Variants in CEP128 observed in about 807,000 individuals in gnomAD.
CEP128 encodes the protein centrosomal protein 128kDa.
Under a neutral mutation model 156.7 loss-of-function variants are expected in CEP128, and 132 were observed. The observed-to-expected ratio is 0.84, with a 90% CI of 0.73 to 0.97. The LOEUF is 0.97. CEP128 is among the 50% of genes least tolerant of loss of function. The pLI, the probability that CEP128 is intolerant of heterozygous loss-of-function variation, is 0.00. For missense variants in CEP128, 1,252 were observed against 1,281.9 expected, an observed-to-expected ratio of 0.98 and a Z score of 0.36; for synonymous variants, 469 against 448.9, an observed-to-expected ratio of 1.04 and a Z score of -0.57.
intron 23 of CEP128, chr14:80,514,730 T>C: frequency 2.8e-6 from 1 of 351,010 alleles, no homozygotes; most frequent in South Asian, 2.3e-5. Flanking sequence ...GTGTGTTATT[T>C]AGTTTGTCTG....
chr14:80,673,414 C>T (rs1435811867), intron 19 of CEP128, among the ~76,000 whole-genome samples: 3 of 151,376 alleles, frequency 2.0e-5, no homozygotes, highest in Admixed American at 2.0e-4. Flanking sequence ...GAGGCCGAGG[C>T]GGGCGGATCA....
chr14:80,555,172 C>A (rs1890378851), intron 21 of CEP128, among the ~76,000 whole-genome samples: 2 of 152,020 alleles, frequency 1.3e-5, no homozygotes, highest in South Asian at 2.1e-4. Context: ...CTCCTATGAA[C>A]CGACAGGGGA....
At position 80,941,578 on chromosome 14, in the gene CEP128, T is replaced by A. The variant is rs1886162147; in HGVS notation, c.-172+3A>T. The A allele has an allele frequency of 6.6e-6, 1 of 152,082 alleles. No homozygotes were observed. The highest frequency in any genetic ancestry group is 2.1e-4 in the South Asian group (1 of 4,792). 9.4% of individuals were successfully genotyped at this position (152,082 alleles called of 1,614,324 possible). A position where few individuals can be genotyped will look rare whatever the true frequency, so the allele number is the denominator to read the frequency against. The stretch of plus-strand genomic sequence containing the variant: ...AGGGCAAGGGGGAGGTGGGGGCAGG[T>A]ACCTGAGACGGAGGATGATCCCAGC... On this transcript the variant is annotated splice_donor_region_variant and intron_variant, in intron 1 of 24. Transcript: ENST00000555265.
At chr14:80,537,508 A>C (rs1889538611) in intron 21 of CEP128, among the ~76,000 whole-genome samples, 1 of 152,176 alleles carries the variant, frequency 6.6e-6, no homozygotes, top group Non-Finnish European at 1.5e-5. Context: ...AATGAGGACT[A>C]GTTTAATGTT....
intron 19 of CEP128, among the ~76,000 whole-genome samples, chr14:80,681,611 T>C (rs888438948): frequency 2.0e-5 from 3 of 152,184 alleles, no homozygotes; most frequent in Non-Finnish European, 4.4e-5. Flanking sequence ...TGAGTTCTCA[T>C]GAGGTGATGG....
chr14:80,938,774 GACC>G (rs1885983715), intron 2 of CEP128, among the ~76,000 whole-genome samples: 2 of 151,764 alleles, frequency 1.3e-5, no homozygotes, highest in African/African-American at 4.8e-5. Flanking sequence ...ATAATATAAG[GACC>G]ACTATATTTT....
chr14:80,574,863 C>A, intron 20 of CEP128, among the ~76,000 whole-genome samples: 1 of 151,956 alleles, frequency 6.6e-6, no homozygotes, highest in East Asian at 1.9e-4. Flanking sequence ...CCCTCCACCC[C>A]TAAAACAGTA....
chr14:80,814,289 A>AT (rs1156979189), intron 13 of CEP128, among the ~76,000 whole-genome samples: 1 of 152,140 alleles, frequency 6.6e-6, no homozygotes, highest in African/African-American at 2.4e-5. Flanking sequence ...TCTATATTAG[A>AT]ATTTCAGACC....
rs568506950 is a variant in CEP128, at chr14:80,566,152, A to C, written c.2857-6850T>G. The stretch of plus-strand genomic sequence containing the variant: ...AAATACAAAGCCTGTCTTCTGGAAG[A>C]AAAATCCACTCAACTTCACCCAAAG... On this transcript the variant is annotated intron_variant, in intron 20 of 24. Coordinates refer to ENST00000555265, the MANE Select transcript of CEP128 (RefSeq NM_152446.5). Among the ~76,000 whole-genome samples, 4 of 152,306 alleles carry C rather than the reference A, an allele frequency of 2.6e-5. No homozygotes were observed. In the East Asian group the frequency reaches 7.7e-4, roughly 29 times the overall value.
At chr14:80,779,553 T>C (rs146338563) in intron 15 of CEP128, among the ~76,000 whole-genome samples, 1 of 152,330 alleles carries the variant, frequency 6.6e-6, no homozygotes, top group African/African-American at 2.4e-5. Context: ...CTAAAGTCTG[T>C]AGTGTGCTGC....
intron 19 of CEP128, among the ~76,000 whole-genome samples, chr14:80,658,053 G>GTTT: frequency 6.6e-6 from 1 of 152,162 alleles, no homozygotes; most frequent in East Asian, 1.9e-4. Context: ...ACTGTTTATA[G>GTTT]TTTTTTTCTA....
At chr14:80,751,868 T>A (rs961094470) in intron 18 of CEP128, among the ~76,000 whole-genome samples, 2 of 152,166 alleles carry the variant, frequency 1.3e-5, no homozygotes, top group Non-Finnish European at 2.9e-5. Context: ...CAACCTCAGA[T>A]GAACTATCCA....
intron 2 of CEP128, among the ~76,000 whole-genome samples, chr14:80,927,529 C>T (rs1200475466): frequency 1.3e-5 from 2 of 152,196 alleles, no homozygotes; most frequent in Non-Finnish European, 2.9e-5. Context: ...GAGTCACAGT[C>T]CGCCTCTACA....
intron 19 of CEP128, among the ~76,000 whole-genome samples, chr14:80,610,219 C>A (rs1382996027): frequency 6.6e-6 from 1 of 152,110 alleles, no homozygotes; most frequent in Non-Finnish European, 1.5e-5. Flanking sequence ...ATCAATCTTT[C>A]CCCCACTTAT....
chr14:80,840,898 T>C, intron 9 of CEP128, 130 bp from the exon 10 acceptor site: 1 of 632,892 alleles, frequency 1.6e-6, no homozygotes, highest in Non-Finnish European at 2.8e-6. Flanking sequence ...TAAATTACAG[T>C]CTGCTCATAA....
At position 80,732,462 on chromosome 14, in the gene CEP128, G is replaced by C. The variant is rs955831000; in HGVS notation, c.2806+10613C>G. Among the ~76,000 whole-genome samples, 3 of 143,170 alleles carry C rather than the reference G, an allele frequency of 2.1e-5. No homozygotes were observed. The Admixed American group carries it at 2.1e-4, about 10-fold the overall frequency. 93.9% of individuals were successfully genotyped at this position (143,170 alleles called of 152,430 possible). On this transcript the variant is annotated intron_variant, in intron 19 of 24. Coordinates refer to ENST00000555265, the MANE Select transcript of CEP128 (RefSeq NM_152446.5). ...AAATGAAGATTCATCTGGCAGAACT[G>C]ATTAAGCAGGTGTGTGTGTGTGTGT...
chr14:80,944,822 CAAAAAAAAAAAAAAAA>C (rs55662141), upstream of CEP128, among the ~76,000 whole-genome samples: 3 of 34,660 alleles, frequency 8.7e-5, no homozygotes, highest in Non-Finnish European at 1.2e-4. Context: ...GAGTCTGTCT[CAAAAAAAAAAAAAAAA>C]AAAAAAAAAA....
chr14:80,728,540 T>C (rs2139505664), intron 19 of CEP128, among the ~76,000 whole-genome samples: 1 of 152,246 alleles, frequency 6.6e-6, no homozygotes. Flanking sequence ...AAAAGTACAT[T>C]TTAAATGTTT....
At chr14:80,660,400 G>T (rs949072059) in intron 19 of CEP128, among the ~76,000 whole-genome samples, 1 of 152,240 alleles carries the variant, frequency 6.6e-6, no homozygotes, top group East Asian at 1.9e-4. Flanking sequence ...TATCAATCTT[G>T]AGAAAGCCGT....
Sources: allele counts gnomAD v4.1 joint callset (sites outside exome capture counted in the v4.1 genomes callset), GRCh38; gene constraint gnomAD v4.1.1; transcripts MANE v1.5; gene names NCBI Gene and HGNC (gene_info 2026-07-23, HGNC 2026-07-21).